DNER: variants seen among roughly 807,000 people sequenced by gnomAD.
DNER encodes the protein delta and Notch-like epidermal growth factor-related receptor.
Under a neutral mutation model 78.2 loss-of-function variants are expected in DNER, and 33 were observed. The observed-to-expected ratio is 0.42, with a 90% CI of 0.32 to 0.56. The LOEUF is 0.56. DNER is among the 20% of genes least tolerant of loss of function. The pLI is 0.11. For synonymous variants in DNER, 417 were observed against 384.8 expected (o/e 1.08, Z -0.98); for missense variants, 918 against 975.3 (o/e 0.94, Z 0.78).
intron 4 of DNER, among the ~76,000 whole-genome samples, chr2:229,584,736 C>T (rs1329480304): frequency 1.3e-5 from 2 of 151,994 alleles, no homozygotes; most frequent in East Asian, 3.9e-4. Context: ...CAAGACCATC[C>T]TGGCCAACAT....
chr2:229,430,948 C>T (rs1444585984), intron 8 of DNER, among the ~76,000 whole-genome samples: 1 of 151,860 alleles, frequency 6.6e-6, no homozygotes, highest in Admixed American at 6.6e-5. Flanking sequence ...AGGGAAAAGA[C>T]TAGACTTATT....
At chr2:229,488,269 T>C (rs1648346120) in intron 6 of DNER, among the ~76,000 whole-genome samples, 1 of 152,248 alleles carries the variant, frequency 6.6e-6, no homozygotes, top group Admixed American at 6.5e-5. Context: ...GTGCCCTTGA[T>C]GGCTTACCGA....
At chr2:229,597,072 C>T (rs1021737588) in intron 1 of DNER, among the ~76,000 whole-genome samples, 1 of 151,432 alleles carries the variant, frequency 6.6e-6, no homozygotes, top group African/African-American at 2.4e-5. Context: ...CAAATGAACA[C>T]AAACATGTGT....
chr2:229,380,083 T>A (rs1692701155), intron 11 of DNER, among the ~76,000 whole-genome samples: 1 of 152,104 alleles, frequency 6.6e-6, no homozygotes, highest in South Asian at 2.1e-4. Flanking sequence ...AGCTAAATCA[T>A]ATCCTCAGCC....
At position 229,456,893 on chromosome 2, in the gene DNER, A is replaced by T. The variant is rs147496949; in HGVS notation, c.1262-9353T>A. On this transcript the variant is annotated intron_variant, in intron 7 of 12. Coordinates refer to ENST00000341772, the MANE Select transcript of DNER (RefSeq NM_139072.4). ...ACAAGCTGCTGAAAACCAAAAATTG[A>T]GAGAAAACATTAAAAGAAGCCAAAA... 1.4e-3 allele frequency among the ~76,000 whole-genome samples: 219 copies of T among 152,124 alleles called. 1 individual carries two copies. Among genetic ancestry groups the T allele is most frequent in the Non-Finnish European group, 2.7e-3 (182 of 68,022 alleles).
chr2:229,680,440 T>C (rs1323468635), intron 1 of DNER, among the ~76,000 whole-genome samples: 1 of 152,218 alleles, frequency 6.6e-6, no homozygotes, highest in African/African-American at 2.4e-5. Flanking sequence ...AAGTACCTGG[T>C]AATTAATAAT....
intron 4 of DNER, among the ~76,000 whole-genome samples, chr2:229,560,344 C>T (rs1429553887): frequency 6.6e-6 from 1 of 152,142 alleles, no homozygotes; most frequent in Non-Finnish European, 1.5e-5. Flanking sequence ...GCCAAGTTTT[C>T]CTATTAAGAC....
chr2:229,402,737 A>G (rs1241709414), intron 10 of DNER, among the ~76,000 whole-genome samples: 1 of 152,184 alleles, frequency 6.6e-6, no homozygotes, highest in Non-Finnish European at 1.5e-5. Context: ...AATCCTAGAG[A>G]ATTAATGTTG....
chr2:229,510,586 G>C (rs891807876), intron 6 of DNER, among the ~76,000 whole-genome samples: 17 of 152,122 alleles, frequency 1.1e-4, no homozygotes, highest in Admixed American at 9.8e-4. Flanking sequence ...GAAGAGAGAG[G>C]GAGAGGGAGG....
At chr2:229,398,622 G>A (rs1327771157) in intron 10 of DNER, among the ~76,000 whole-genome samples, 1 of 152,084 alleles carries the variant, frequency 6.6e-6, no homozygotes, top group Non-Finnish European at 1.5e-5. Flanking sequence ...ACACAAAATT[G>A]TTTTCTTTCT....
intron 9 of DNER, among the ~76,000 whole-genome samples, chr2:229,413,098 G>A (rs1693558591): frequency 6.6e-6 from 1 of 151,858 alleles, no homozygotes; most frequent in African/African-American, 2.4e-5. Flanking sequence ...TTTCTAGAAG[G>A]GCTTATTTGA....
At chr2:229,539,635 G>A (rs1017667253) in intron 5 of DNER, among the ~76,000 whole-genome samples, 13 of 152,074 alleles carry the variant, frequency 8.5e-5, no homozygotes, top group Admixed American at 2.6e-4. Context: ...TCTTATTTCC[G>A]TTCTTTTATT....
chr2:229,657,179 G>T (rs1009428412), intron 1 of DNER, among the ~76,000 whole-genome samples: 2 of 142,130 alleles, frequency 1.4e-5, no homozygotes, highest in East Asian at 4.1e-4. Flanking sequence ...CCACTGTTCT[G>T]CTTTCTGCTT....
chr2:229,490,026 G>A (rs954284089), intron 6 of DNER, among the ~76,000 whole-genome samples: 9 of 152,120 alleles, frequency 5.9e-5, no homozygotes, highest in African/African-American at 2.2e-4. Flanking sequence ...AGAGGGAAGA[G>A]GAGGAGAGGA....
chr2:229,702,713 C>T (rs550224012), intron 1 of DNER, among the ~76,000 whole-genome samples: 19 of 151,536 alleles, frequency 1.3e-4, no homozygotes, highest in African/African-American at 3.6e-4. Flanking sequence ...GTCAGGAGAT[C>T]GAGACCACCC....
intron 1 of DNER, among the ~76,000 whole-genome samples, chr2:229,671,830 A>G (rs1699214935): frequency 6.6e-6 from 1 of 152,172 alleles, no homozygotes; most frequent in Admixed American, 6.6e-5. Flanking sequence ...CAGTAAACGG[A>G]TGCTTCATGG....
At chr2:229,461,918 T>G (rs1214605683) in intron 7 of DNER, among the ~76,000 whole-genome samples, 1 of 152,030 alleles carries the variant, frequency 6.6e-6, no homozygotes, top group African/African-American at 2.4e-5. Context: ...ATGGAAACAA[T>G]GGCAGCAGCC....
chr2:229,401,834 G>A (rs1693274601), intron 10 of DNER, among the ~76,000 whole-genome samples: 1 of 151,984 alleles, frequency 6.6e-6, no homozygotes, highest in African/African-American at 2.4e-5. Context: ...CTAAAATTTT[G>A]AAAAACTAGC....
chr2:229,693,634 G>A (rs894396657), intron 1 of DNER, among the ~76,000 whole-genome samples: 3 of 152,124 alleles, frequency 2.0e-5, no homozygotes, highest in Non-Finnish European at 4.4e-5. Context: ...CCAGAGTAAA[G>A]GTCACTCTTG....
Sources: gnomAD v4.1 joint callset for allele counts (sites outside exome capture counted in the v4.1 genomes callset) on GRCh38, gnomAD v4.1.1 for gene constraint, MANE v1.5 for transcripts, NCBI Gene and HGNC (gene_info 2026-07-23, HGNC 2026-07-21) for gene names.